PCDHGA1: variants seen among roughly 807,000 people sequenced by gnomAD.
The protein encoded by PCDHGA1 is protocadherin gamma subfamily A, 1, also known as protocadherin gamma-A1.
PCDHGA1 carries 32 observed loss-of-function variants against 58.0 expected under a neutral mutation model. The observed-to-expected ratio is 0.55, with a 90% CI of 0.42 to 0.74. The LOEUF is 0.74. Among genes scored for constraint, PCDHGA1 ranks in the 30% least tolerant of loss-of-function variants. The pLI is 0.00. For missense variants in PCDHGA1, 1,205 were observed against 1,182.3 expected (o/e 1.02, Z -0.28); for synonymous variants, 498 against 501.1 (o/e 0.99, Z 0.08).
intron 1 of PCDHGA1, chr5:141,408,147 A>G (rs1357143790): frequency 6.7e-7 from 1 of 1,503,488 alleles, no homozygotes; most frequent in Non-Finnish European, 8.9e-7. Context: ...TTAGCGCGGT[A>G]GAGTGCACTT....
At chr5:141,425,159 G>T (rs557552439) in intron 1 of PCDHGA1, among the ~76,000 whole-genome samples, 1 of 152,244 alleles carries the variant, frequency 6.6e-6, no homozygotes, top group Non-Finnish European at 1.5e-5. Context: ...AGCATCTAGG[G>T]ATAGGATTTA....
At chr5:141,423,497 A>G in intron 1 of PCDHGA1, 4 of 1,613,940 alleles carry the variant, frequency 2.5e-6, no homozygotes, top group Non-Finnish European at 3.4e-6. Flanking sequence ...TATTCCCACG[A>G]GGTCTCTCTC....
In PCDHGA1 at chr5:141,340,907, A is replaced by G. The variant is rs148082357; in HGVS notation, c.2421+7802A>G. 10,574 of 1,608,752 alleles carry G rather than the reference A, an allele frequency of 6.6e-3. 87 individuals are homozygous for G. Among genetic ancestry groups the G allele is most frequent in the Non-Finnish European group, 7.7e-3 (9,029 of 1,175,520 alleles). ...GCTCAAGCAGAGCCTCGTGGTGGCC[A>G]TCCAGGACCACGGCCAGCCCCCTCT... On this transcript the variant is annotated intron_variant, in intron 1 of 3. Transcript: ENST00000517417.
chr5:141,430,725 G>A (rs1436128094), intron 1 of PCDHGA1: 4 of 1,497,276 alleles, frequency 2.7e-6, no homozygotes, highest in Admixed American at 2.4e-5. Flanking sequence ...AGTGGTTAAG[G>A]GCAGAATTGA....
chr5:141,421,748 G>C, intron 1 of PCDHGA1: 1 of 1,613,944 alleles, frequency 6.2e-7, no homozygotes, highest in Non-Finnish European at 8.5e-7. Flanking sequence ...TACCAGCTCA[G>C]CCCTAATAAT....
chr5:141,508,790 C>T (rs1181979966), intron 3 of PCDHGA1, among the ~76,000 whole-genome samples: 1 of 152,072 alleles, frequency 6.6e-6, no homozygotes, highest in African/African-American at 2.4e-5. Flanking sequence ...CCCTAAATCA[C>T]TCTGGAATCC....
chr5:141,330,765 G>T lies in PCDHGA1; in HGVS notation c.81G>T (p.Gly27=). The T allele has an allele frequency of 6.2e-7, 1 of 1,614,196 alleles. No individual in the cohort carries two copies. The highest frequency in any genetic ancestry group is 8.5e-7 in the Non-Finnish European group (1 of 1,180,024). Residue 27 remains glycine, a synonymous_variant, in exon 1 of 4, where the codon GGG becomes GGT. Transcript: ENST00000517417. ...CTCTGGAGCTGCTGTTGGAAGCTGG[G>T]GCTGGGAATATTCACTACTCAGTGC... The part of the protein sequence containing the change: ...CLSLELLLEA[G]AGNIHYSVPE...
Position 141,477,653 on chromosome 5 carries a change from A to C in PCDHGA1, c.2422-17154A>C. ...GCTAGTGGGTCGCTATTTCACAATA[A>C]ATCGTGACAATGGCATAGTGTCATC... On this transcript the variant is annotated intron_variant, in intron 1 of 3. Transcript: ENST00000517417. The surrounding 1 kb of genome is among the most constrained non-coding windows in gnomAD (Gnocchi z 4.9). The C allele has an allele frequency of 1.2e-6, 2 of 1,614,204 alleles. No individual in the cohort carries two copies. Among genetic ancestry groups the C allele is most frequent in the Non-Finnish European group, 1.7e-6 (2 of 1,180,036 alleles).
At chr5:141,433,353 G>C (rs2097584366) in intron 1 of PCDHGA1, 4 of 603,272 alleles carry the variant, frequency 6.6e-6, no homozygotes, top group South Asian at 6.2e-5. Context: ...GCCACCTACT[G>C]TCTGCCTATC....
At chr5:141,379,981 C>T (rs968805615) in intron 1 of PCDHGA1, among the ~76,000 whole-genome samples, 16 of 135,132 alleles carry the variant, frequency 1.2e-4, no homozygotes, top group Non-Finnish European at 2.3e-4. Context: ...CTCACTGCAA[C>T]TTCCTCCTCC....
At chr5:141,356,028 C>A in intron 1 of PCDHGA1, 1 of 1,613,932 alleles carries the variant, frequency 6.2e-7, no homozygotes, top group Non-Finnish European at 8.5e-7. Context: ...CCAATGGAGA[C>A]GTGACGTATT....
At chr5:141,415,859 T>C in intron 1 of PCDHGA1, 1 of 1,187,664 alleles carries the variant, frequency 8.4e-7, no homozygotes, top group Non-Finnish European at 1.1e-6. Context: ...CCTTGTAGTT[T>C]ATAGTGTTGT....
At chr5:141,354,014 A>C (rs1759441261) in intron 1 of PCDHGA1, among the ~76,000 whole-genome samples, 1 of 152,248 alleles carries the variant, frequency 6.6e-6, no homozygotes, top group African/African-American at 2.4e-5. Flanking sequence ...AATTACTGTA[A>C]GTATTCATAA....
intron 1 of PCDHGA1, among the ~76,000 whole-genome samples, chr5:141,354,830 T>C (rs1759646674): frequency 6.6e-6 from 1 of 151,920 alleles, no homozygotes; most frequent in South Asian, 2.1e-4. Context: ...ACAGGAAGAC[T>C]TGGATCATTC....
At chr5:141,352,188 G>T (rs752131601) in intron 1 of PCDHGA1, 3 of 1,613,874 alleles carry the variant, frequency 1.9e-6, no homozygotes, top group Non-Finnish European at 1.7e-6. Context: ...GTCGCTGTGC[G>T]TGATGGAGGA....
chr5:141,350,904 G>C, intron 1 of PCDHGA1: 1 of 1,614,054 alleles, frequency 6.2e-7, no homozygotes, highest in East Asian at 2.2e-5. Context: ...ATGGATGGCG[G>C]GGACCCGCCT....
chr5:141,419,579 C>G (rs759041306), intron 1 of PCDHGA1: 11 of 1,611,812 alleles, frequency 6.8e-6, no homozygotes, highest in Non-Finnish European at 9.3e-6. Flanking sequence ...CGGCTCCGCG[C>G]TCTTCGACAC....
At chr5:141,385,173 C>A in intron 1 of PCDHGA1, 1 of 1,614,188 alleles carries the variant, frequency 6.2e-7, no homozygotes. Context: ...ATGAGGTCTC[C>A]CTCACCGCGG....
rs757612658 is a variant in PCDHGA1 at position 141,344,717 on chromosome 5, C to T, written c.2421+11612C>T. The T allele has an allele frequency of 1.6e-5, 26 of 1,613,850 alleles. No homozygotes were observed. The East Asian group carries it at 5.8e-4, about 36-fold the overall frequency. Reference sequence around the variant, plus strand: ...CTGTCCACTCTGGCAACTTGCACATCCAAGTGATAGTCCTGGATGCAAATG... The same window carrying T: ...CTGTCCACTCTGGCAACTTGCACATTCAAGTGATAGTCCTGGATGCAAATG... On this transcript the variant is annotated intron_variant, in intron 1 of 3. Coordinates refer to ENST00000517417, the MANE Select transcript of PCDHGA1 (RefSeq NM_018912.3).
Sources: gnomAD v4.1 joint callset for allele counts (sites outside exome capture counted in the v4.1 genomes callset) on GRCh38, gnomAD v4.1.1 for gene constraint, Gnocchi (gnomAD v3.1) non-coding constraint, MANE v1.5 for transcripts, NCBI Gene and HGNC (gene_info 2026-07-23, HGNC 2026-07-21) for gene names.